Variants in RALGAPA2 observed in about 807,000 individuals in gnomAD.
RALGAPA2 encodes ral GTPase-activating protein subunit alpha-2.
A neutral mutation model predicts 230.4 loss-of-function variants in RALGAPA2; 139 were observed. The ratio of observed to expected loss-of-function variants is 0.60; its 90% CI spans 0.53 to 0.69. The LOEUF (loss-of-function observed/expected upper bound fraction) is 0.69. RALGAPA2 is among the 30% of genes least tolerant of loss of function. RALGAPA2 has a pLI of 0.00. For synonymous variants in RALGAPA2, 847 were observed against 837.8 expected, an observed-to-expected ratio of 1.01 and a Z score of -0.19; for missense variants, 2,163 against 2,276.0, an observed-to-expected ratio of 0.95 and a Z score of 1.01.
chr20:20,438,894 T>G (rs1266873011), intron 37 of RALGAPA2, among the ~76,000 whole-genome samples: 1 of 152,190 alleles, frequency 6.6e-6, no homozygotes, highest in Non-Finnish European at 1.5e-5. Flanking sequence ...AAAAAAGGCG[T>G]AAAATTGTGT....
Position 20,618,607 on chromosome 20 carries a change from C to T in RALGAPA2, c.1539+670G>A, listed in dbSNP as rs555554482. On this transcript the variant is annotated intron_variant, in intron 12 of 39. Transcript: ENST00000202677. ...GCCTCTACATGAGAGGCCTAAGTGA[C>T]ACATCTCCAAATGTGGATGAAGGGT... Among the ~76,000 whole-genome samples the T allele has an allele frequency of 5.9e-5, 9 of 152,228 alleles. No homozygotes were observed. The East Asian group carries it at 1.7e-3, about 29-fold the overall frequency.
intron 1 of RALGAPA2, among the ~76,000 whole-genome samples, chr20:20,708,005 A>G (rs1310618533): frequency 6.6e-6 from 1 of 152,206 alleles, no homozygotes; most frequent in Non-Finnish European, 1.5e-5. Flanking sequence ...CACTAGTGAC[A>G]TATGGCTAAT....
intron 1 of RALGAPA2, among the ~76,000 whole-genome samples, chr20:20,694,096 G>A (rs1275983147): frequency 6.6e-6 from 1 of 150,948 alleles, no homozygotes; most frequent in African/African-American, 2.4e-5. Context: ...AGAGCTAGAC[G>A]TTGTCTCAAA....
chr20:20,675,746 T>C (rs1281796142), intron 3 of RALGAPA2, among the ~76,000 whole-genome samples: 7 of 152,274 alleles, frequency 4.6e-5, no homozygotes, highest in African/African-American at 7.2e-5. Context: ...TAGAAAAATA[T>C]ATATCAAAAA....
intron 35 of RALGAPA2, among the ~76,000 whole-genome samples, chr20:20,496,350 C>G (rs752517173): frequency 2.6e-5 from 4 of 152,226 alleles, no homozygotes; most frequent in Non-Finnish European, 2.9e-5. Flanking sequence ...CTGGAGAAAG[C>G]TGCACACGAA....
intron 9 of RALGAPA2, among the ~76,000 whole-genome samples, chr20:20,635,009 C>T (rs1233694965): frequency 2.0e-5 from 3 of 152,110 alleles, no homozygotes; most frequent in Non-Finnish European, 4.4e-5. Flanking sequence ...AGAGGGTGCT[C>T]GGCAGCTTCA....
intron 1 of RALGAPA2, among the ~76,000 whole-genome samples, chr20:20,698,527 T>A (rs1188708150): frequency 1.3e-5 from 2 of 152,104 alleles, no homozygotes; most frequent in Non-Finnish European, 2.9e-5. Flanking sequence ...GTAGCTGGGA[T>A]TACAGGCACC....
chr20:20,509,426 A>G (rs901700412), intron 33 of RALGAPA2, among the ~76,000 whole-genome samples: 2 of 152,210 alleles, frequency 1.3e-5, no homozygotes, highest in African/African-American at 4.8e-5. Flanking sequence ...AGGTAAAACT[A>G]CAAATGAATA....
intron 37 of RALGAPA2, among the ~76,000 whole-genome samples, chr20:20,442,392 G>A (rs1352146650): frequency 6.6e-6 from 1 of 152,224 alleles, no homozygotes; most frequent in Non-Finnish European, 1.5e-5. Context: ...CCTAATTCAA[G>A]TTATGGCCAT....
At chr20:20,648,165 G>A (rs2067279422) in intron 4 of RALGAPA2, among the ~76,000 whole-genome samples, 1 of 152,246 alleles carries the variant, frequency 6.6e-6, no homozygotes, top group African/African-American at 2.4e-5. Context: ...AAATTAGAAG[G>A]AATGAACTAT....
At chr20:20,519,216 A>AT (rs2062963908) in intron 31 of RALGAPA2, among the ~76,000 whole-genome samples, 1 of 152,202 alleles carries the variant, frequency 6.6e-6, no homozygotes, top group Non-Finnish European at 1.5e-5. Context: ...ACCCCTGGGA[A>AT]TATCCCTTAA....
chr20:20,560,341 T>C (rs971671381), intron 23 of RALGAPA2, among the ~76,000 whole-genome samples: 10 of 152,226 alleles, frequency 6.6e-5, no homozygotes, highest in Admixed American at 6.5e-4. Flanking sequence ...AGCCCACAAT[T>C]ACCTACCAAA....
chr20:20,436,675 G>A (rs534156173), intron 37 of RALGAPA2, among the ~76,000 whole-genome samples: 28 of 152,330 alleles, frequency 1.8e-4, no homozygotes, highest in African/African-American at 6.0e-4. Flanking sequence ...TGACACTGTC[G>A]TCTCTGCTGC....
intron 16 of RALGAPA2, among the ~76,000 whole-genome samples, chr20:20,598,345 G>GA (rs1381427067): frequency 1.3e-5 from 2 of 152,072 alleles, no homozygotes; most frequent in East Asian, 3.9e-4. Context: ...AAACTTTTAT[G>GA]AAAATCCCCT....
chr20:20,575,505 C>A (rs1043010056), intron 20 of RALGAPA2, among the ~76,000 whole-genome samples: 11 of 151,860 alleles, frequency 7.2e-5, no homozygotes, highest in African/African-American at 2.2e-4. Context: ...CATCTCTGCA[C>A]TCAGACGTGT....
chr20:20,457,564 T>G (rs913767212), intron 37 of RALGAPA2, among the ~76,000 whole-genome samples: 1 of 152,204 alleles, frequency 6.6e-6, no homozygotes, highest in African/African-American at 2.4e-5. Flanking sequence ...CTGCAGCAGG[T>G]GCTGAGGCTA....
At chr20:20,418,449 C>G (rs962389573) in intron 37 of RALGAPA2, among the ~76,000 whole-genome samples, 1 of 152,202 alleles carries the variant, frequency 6.6e-6, no homozygotes, top group African/African-American at 2.4e-5. Context: ...CAGGGAAGAA[C>G]AGACGTGCGT....
At chr20:20,648,092 T>G (rs2067275760) in intron 4 of RALGAPA2, among the ~76,000 whole-genome samples, 1 of 152,140 alleles carries the variant, frequency 6.6e-6, no homozygotes. Flanking sequence ...CAAATGACCA[T>G]CAATACCTGA....
intron 1 of RALGAPA2, among the ~76,000 whole-genome samples, chr20:20,689,215 C>T (rs1251302713): frequency 3.3e-5 from 5 of 152,164 alleles, no homozygotes; most frequent in Admixed American, 2.6e-4. Context: ...TACCTTTTAA[C>T]AACTTATTTT....
Sources: allele counts gnomAD v4.1 joint callset (sites outside exome capture counted in the v4.1 genomes callset), GRCh38; gene constraint gnomAD v4.1.1; transcripts MANE v1.5; gene names NCBI Gene and HGNC (gene_info 2026-07-23, HGNC 2026-07-21).